Variants in MAGI1 observed in about 807,000 individuals in gnomAD.
MAGI1 encodes the protein membrane associated guanylate kinase, WW and PDZ domain containing 1.
MAGI1 carries 58 observed loss-of-function variants against 139.9 expected under a neutral mutation model. The ratio of observed to expected loss-of-function variants is 0.41; its 90% CI spans 0.34 to 0.52. The LOEUF is 0.52. Ranked by LOEUF, MAGI1 falls within the 20% of genes least tolerant of loss-of-function variation. The pLI is 0.12. For synonymous variants in MAGI1, 812 were observed against 737.9 expected (o/e 1.10, Z -1.63); for missense variants, 1,874 against 1,901.6 (o/e 0.99, Z 0.27).
In MAGI1 at chr3:65,699,263, T is replaced by A. The variant is rs1175522698; in HGVS notation, c.314-77175A>T. 1.3e-3 allele frequency among the ~76,000 whole-genome samples: 152 copies of A among 118,452 alleles called. 1 individual carries two copies. The highest frequency in any genetic ancestry group is 5.3e-3 in the African/African-American group (145 of 27,348). 77.7% of individuals were successfully genotyped at this position (118,452 alleles called of 152,430 possible). Reference sequence around the variant, plus strand: ...AGAGGATGTGGAGAAATAGGAACACTTTTACACTGTTGGTGGGACTGTAAA... The same window carrying A: ...AGAGGATGTGGAGAAATAGGAACACATTTACACTGTTGGTGGGACTGTAAA... On this transcript the variant is annotated intron_variant, in intron 1 of 22. Transcript: ENST00000402939.
At chr3:65,558,939 G>GT (rs1183259650) in intron 2 of MAGI1, among the ~76,000 whole-genome samples, 2 of 152,118 alleles carry the variant, frequency 1.3e-5, no homozygotes, top group African/African-American at 4.8e-5. Flanking sequence ...AAAAACTTAA[G>GT]TAACTTCATT....
At chr3:65,939,895 T>C (rs2063228407) in intron 1 of MAGI1, among the ~76,000 whole-genome samples, 1 of 152,172 alleles carries the variant, frequency 6.6e-6, no homozygotes, top group South Asian at 2.1e-4. Flanking sequence ...AGTTTCTGGA[T>C]TGTTTTACAG....
intron 1 of MAGI1, among the ~76,000 whole-genome samples, chr3:65,670,341 C>CAT (rs1423963391): frequency 8.1e-6 from 1 of 123,166 alleles, no homozygotes; most frequent in Non-Finnish European, 2.0e-5. Flanking sequence ...ACACATATGC[C>CAT]ATGTGTGTAT....
intron 1 of MAGI1, among the ~76,000 whole-genome samples, chr3:65,850,139 T>C (rs189814278): frequency 8.7e-4 from 132 of 152,272 alleles, no homozygotes; most frequent in Admixed American, 1.9e-3. Context: ...TATTTCTTTA[T>C]ATATATAAAA....
At chr3:65,978,002 G>A (rs1029038378) in intron 1 of MAGI1, among the ~76,000 whole-genome samples, 1 of 152,044 alleles carries the variant, frequency 6.6e-6, no homozygotes, top group African/African-American at 2.4e-5. Context: ...AACACCTATT[G>A]CATTACCCAT....
chr3:65,758,175 G>A (rs1182842596), intron 1 of MAGI1, among the ~76,000 whole-genome samples: 1 of 152,138 alleles, frequency 6.6e-6, no homozygotes, highest in Non-Finnish European at 1.5e-5. Flanking sequence ...TTTCAGAGAG[G>A]TGCAGAAAAG....
intron 2 of MAGI1, among the ~76,000 whole-genome samples, chr3:65,525,814 C>T (rs991469675): frequency 6.6e-5 from 10 of 152,186 alleles, no homozygotes; most frequent in African/African-American, 2.4e-4. Flanking sequence ...TTAGGTATCA[C>T]AATTGTACAA....
intron 2 of MAGI1, among the ~76,000 whole-genome samples, chr3:65,576,256 T>A (rs891637989): frequency 6.6e-6 from 1 of 152,226 alleles, no homozygotes; most frequent in African/African-American, 2.4e-5. Flanking sequence ...TAATAACCTG[T>A]TTGATAATAA....
At chr3:65,632,508 A>T (rs2084370256) in intron 1 of MAGI1, among the ~76,000 whole-genome samples, 1 of 152,244 alleles carries the variant, frequency 6.6e-6, no homozygotes, top group African/African-American at 2.4e-5. Flanking sequence ...CATCTAAAAA[A>T]TACACAAATA....
At chr3:65,627,450 C>T (rs1315845808) in intron 1 of MAGI1, among the ~76,000 whole-genome samples, 3 of 128,404 alleles carry the variant, frequency 2.3e-5, no homozygotes, top group Non-Finnish European at 4.9e-5. Flanking sequence ...GGCTTAGATG[C>T]TCTCTTGATT....
chr3:65,514,976 G>T (rs1470126636), intron 2 of MAGI1, among the ~76,000 whole-genome samples: 1 of 149,870 alleles, frequency 6.7e-6, no homozygotes, highest in Non-Finnish European at 1.5e-5. Flanking sequence ...GTACTATGCA[G>T]CCATAAAAAA....
At chr3:65,964,227 T>C (rs1487779007) in intron 1 of MAGI1, among the ~76,000 whole-genome samples, 1 of 152,122 alleles carries the variant, frequency 6.6e-6, no homozygotes, top group African/African-American at 2.4e-5. Context: ...GCGTCAGAGA[T>C]CCACAAACAA....
At chr3:65,418,042 T>C (rs1273535951) in intron 12 of MAGI1, among the ~76,000 whole-genome samples, 1 of 152,094 alleles carries the variant, frequency 6.6e-6, no homozygotes, top group Non-Finnish European at 1.5e-5. Flanking sequence ...AGGTACCTAC[T>C]CAGTAGAGAC....
intron 1 of MAGI1, among the ~76,000 whole-genome samples, chr3:65,675,370 A>G (rs1049607446): frequency 1.3e-5 from 2 of 152,216 alleles, no homozygotes; most frequent in African/African-American, 2.4e-5. Flanking sequence ...GCAGTCATCA[A>G]TCTCAAAGTA....
chr3:65,734,577 G>C (rs1191589623), intron 1 of MAGI1, among the ~76,000 whole-genome samples: 1 of 150,928 alleles, frequency 6.6e-6, no homozygotes, highest in Non-Finnish European at 1.5e-5. Context: ...GAGGGAGAGA[G>C]AGAGAGAGAG....
rs2062741797 is a variant in MAGI1 at position 65,930,288 on chromosome 3, C to T, written c.313+107708G>A. 2.3e-5 allele frequency among the ~76,000 whole-genome samples: 3 copies of T among 132,084 alleles called. No homozygotes were observed. In the Admixed American group the frequency reaches 2.8e-4, roughly 12 times the overall value. 86.7% of individuals were successfully genotyped at this position (132,084 alleles called of 152,430 possible). A position where few individuals can be genotyped will look rare whatever the true frequency, so the allele number is the denominator to read the frequency against. Reference sequence around the variant, plus strand: ...CCGAGATAGCGCCACTGCACTCCAGCCTGGGCGAAAGAGCAAGACTCCGTC... The same window carrying T: ...CCGAGATAGCGCCACTGCACTCCAGTCTGGGCGAAAGAGCAAGACTCCGTC... On this transcript the variant is annotated intron_variant, in intron 1 of 22. Transcript: ENST00000402939.
intron 1 of MAGI1, among the ~76,000 whole-genome samples, chr3:65,633,836 G>A (rs181612795): frequency 3.0e-4 from 45 of 152,256 alleles, no homozygotes; most frequent in Middle Eastern, 3.4e-3. Flanking sequence ...GCATGCCCTC[G>A]TAAACAGCTG....
intron 1 of MAGI1, among the ~76,000 whole-genome samples, chr3:65,977,119 T>C (rs2065302905): frequency 6.6e-6 from 1 of 152,178 alleles, no homozygotes; most frequent in Non-Finnish European, 1.5e-5. Flanking sequence ...ATGATTGTGA[T>C]GTTATAGGTT....
At chr3:65,594,195 C>T (rs569306298) in intron 2 of MAGI1, among the ~76,000 whole-genome samples, 35 of 152,278 alleles carry the variant, frequency 2.3e-4, no homozygotes, top group African/African-American at 8.2e-4. Context: ...TAGATGGCAT[C>T]AGTCATCAAC....
Sources: allele counts gnomAD v4.1 joint callset (sites outside exome capture counted in the v4.1 genomes callset), GRCh38; gene constraint gnomAD v4.1.1; transcripts MANE v1.5; gene names NCBI Gene and HGNC (gene_info 2026-07-23, HGNC 2026-07-21).